TNS3: variants seen among roughly 807,000 people sequenced by gnomAD.
The protein encoded by TNS3 is tensin-3.
In TNS3, 45 loss-of-function variants were observed where a neutral mutation model predicts 140.9. That is an observed-to-expected ratio of 0.32 (90% confidence interval 0.25 to 0.41). The LOEUF (loss-of-function observed/expected upper bound fraction) is 0.41, where lower values mean the gene tolerates loss of function less well. TNS3 is among the 10% of genes least tolerant of loss of function. The pLI, the probability that TNS3 is intolerant of heterozygous loss-of-function variation, is 1.00. For synonymous variants in TNS3, 815 were observed against 788.4 expected, an observed-to-expected ratio of 1.03 and a Z score of -0.56; for missense variants, 1,716 against 1,906.7, an observed-to-expected ratio of 0.90 and a Z score of 1.86.
chr7:47,511,013 T>C (rs1336734913), intron 2 of TNS3, among the ~76,000 whole-genome samples: 2 of 152,250 alleles, frequency 1.3e-5, no homozygotes, highest in African/African-American at 2.4e-5. Context: ...TCTGCGAAAT[T>C]GTCAGTGGAC....
chr7:47,443,587 T>C (rs1007141746), intron 4 of TNS3, among the ~76,000 whole-genome samples: 1 of 152,174 alleles, frequency 6.6e-6, no homozygotes, highest in Non-Finnish European at 1.5e-5. Context: ...TATAAACAGA[T>C]GCAAGATTTC....
At chr7:47,519,694 G>C (rs563366620) in intron 2 of TNS3, among the ~76,000 whole-genome samples, 3 of 152,198 alleles carry the variant, frequency 2.0e-5, no homozygotes, top group African/African-American at 7.2e-5. Flanking sequence ...GAGCTGGCTG[G>C]AGGGGCGAGG....
At chr7:47,380,720 C>A (rs1791701208) in intron 16 of TNS3, among the ~76,000 whole-genome samples, 1 of 152,086 alleles carries the variant, frequency 6.6e-6, no homozygotes, top group African/African-American at 2.4e-5. Context: ...CACATGCACA[C>A]ACACACTCAC....
intron 2 of TNS3, among the ~76,000 whole-genome samples, chr7:47,519,201 C>T (rs1295357514): frequency 1.3e-5 from 2 of 152,084 alleles, no homozygotes; most frequent in Non-Finnish European, 2.9e-5. Flanking sequence ...ATGTATAGGA[C>T]GAACCTTGTT....
chr7:47,275,711 T>A lies in TNS3; in HGVS notation c.*2365A>T. The A allele has an allele frequency of 4.6e-6, 2 of 434,636 alleles. No individual in the cohort carries two copies. The highest frequency in any genetic ancestry group is 9.3e-6 in the Non-Finnish European group (2 of 215,440). 26.9% of individuals were successfully genotyped at this position (434,636 alleles called of 1,614,324 possible). A position where few individuals can be genotyped will look rare whatever the true frequency, so the allele number is the denominator to read the frequency against. On this transcript the variant is annotated 3_prime_UTR_variant, in exon 31 of 31. Coordinates refer to ENST00000311160, the MANE Select transcript of TNS3 (RefSeq NM_022748.12). ...AGAAATCGTGGAAACTTGCTTCCTTTGGTTCCTCAGAGGGAGCTATCTGCT... is the reference window on the plus strand; with the variant it reads ...AGAAATCGTGGAAACTTGCTTCCTTAGGTTCCTCAGAGGGAGCTATCTGCT...
Position 47,334,411 on chromosome 7 carries a change from T to G in TNS3, c.2650+10344A>C, listed in dbSNP as rs568857957. 2.0e-5 allele frequency among the ~76,000 whole-genome samples: 3 copies of G among 152,272 alleles called. No homozygotes were observed. The East Asian group carries it at 5.8e-4, about 29-fold the overall frequency. On this transcript the variant is annotated intron_variant, in intron 20 of 30. Coordinates refer to ENST00000311160, the MANE Select transcript of TNS3 (RefSeq NM_022748.12). ...AAGCCTAAAGTCCCCAAACCCCCTC[T>G]GAATACCACTTGTAAAGCTGTTATA...
chr7:47,530,838 A>ATATATATATATATATATAT (rs1554350246), intron 1 of TNS3, among the ~76,000 whole-genome samples: 30 of 54,544 alleles, frequency 5.5e-4, no homozygotes, highest in South Asian at 1.8e-3. Flanking sequence ...AAAAAAAAAA[A>ATATATATATATATATATAT]ATATATATAT....
intron 3 of TNS3, among the ~76,000 whole-genome samples, chr7:47,483,256 G>A (rs1344448194): frequency 2.7e-5 from 4 of 150,702 alleles, no homozygotes; most frequent in South Asian, 2.1e-4. Flanking sequence ...TGCAAGCTCC[G>A]CCTCCCGGGT....
chr7:47,307,242 A>G (rs1440560022), intron 20 of TNS3, among the ~76,000 whole-genome samples: 3 of 152,230 alleles, frequency 2.0e-5, no homozygotes, highest in Non-Finnish European at 4.4e-5. Context: ...CTACATGAAT[A>G]AAATCATTCA....
intron 6 of TNS3, among the ~76,000 whole-genome samples, 164 bp downstream of exon 6, chr7:47,439,323 G>A (rs920022976): frequency 6.6e-6 from 1 of 152,182 alleles, no homozygotes; most frequent in Non-Finnish European, 1.5e-5. Flanking sequence ...CTCCCCAGGC[G>A]TGGCAGCAGA....
At chr7:47,434,147 T>C (rs1183777333) in intron 8 of TNS3, among the ~76,000 whole-genome samples, 1 of 152,278 alleles carries the variant, frequency 6.6e-6, no homozygotes, top group African/African-American at 2.4e-5. Context: ...GGTCATCATA[T>C]GCCTTACAGC....
chr7:47,575,822 CAAAAA>C (rs10553927), intron 1 of TNS3, among the ~76,000 whole-genome samples: 1 of 68,308 alleles, frequency 1.5e-5, no homozygotes, highest in Non-Finnish European at 2.6e-5. Flanking sequence ...GACTCTGCCT[CAAAAA>C]AAAAAAAAAA....
At chr7:47,394,248 G>T (rs2151309647) in intron 16 of TNS3, among the ~76,000 whole-genome samples, 1 of 152,322 alleles carries the variant, frequency 6.6e-6, no homozygotes, top group Admixed American at 6.5e-5. Flanking sequence ...CCAGAGTGAT[G>T]GTATTAGGAG....
At chr7:47,506,802 T>G in intron 3 of TNS3, 105 bp downstream of exon 3, 1 of 891,456 alleles carries the variant, frequency 1.1e-6, no homozygotes, top group Non-Finnish European at 1.5e-6. Flanking sequence ...TCCTAAAGAG[T>G]TTTCTTTCCG....
intron 15 of TNS3, among the ~76,000 whole-genome samples, chr7:47,399,213 G>A (rs1793013454): frequency 6.6e-6 from 1 of 151,982 alleles, no homozygotes; most frequent in Non-Finnish European, 1.5e-5. Flanking sequence ...CATGCTCATG[G>A]ATTGGAAGAA....
intron 1 of TNS3, among the ~76,000 whole-genome samples, chr7:47,559,491 G>T (rs1800278863): frequency 6.6e-6 from 1 of 152,210 alleles, no homozygotes; most frequent in East Asian, 1.9e-4. Context: ...CGAGTTCCAA[G>T]AACTTTCTGG....
intron 4 of TNS3, 151 bp downstream of exon 4, chr7:47,480,952 G>T: frequency 2.2e-6 from 1 of 451,304 alleles, no homozygotes; most frequent in Non-Finnish European, 3.8e-6. Context: ...AAGGACCTCA[G>T]ATAGAGCCTT....
chr7:47,284,896 G>C (rs940235880), intron 27 of TNS3, among the ~76,000 whole-genome samples: 3 of 152,240 alleles, frequency 2.0e-5, no homozygotes, highest in Non-Finnish European at 4.4e-5. Context: ...GTGTCCTCCT[G>C]GGGTAGGCAG....
At chr7:47,527,830 C>G (rs1274872700) in intron 2 of TNS3, among the ~76,000 whole-genome samples, 2 of 151,904 alleles carry the variant, frequency 1.3e-5, no homozygotes, top group Admixed American at 1.3e-4. Context: ...ATGGCTTGGG[C>G]CAGGAGGTCA....
Sources: allele counts gnomAD v4.1 joint callset (sites outside exome capture counted in the v4.1 genomes callset), GRCh38; gene constraint gnomAD v4.1.1; transcripts MANE v1.5; gene names NCBI Gene and HGNC (gene_info 2026-07-23, HGNC 2026-07-21).